SNX9: variants seen among roughly 807,000 people sequenced by gnomAD.
SNX9 encodes the protein sorting nexin-9.
SNX9 carries 44 observed loss-of-function variants against 89.4 expected under a neutral mutation model. The observed-to-expected ratio is 0.49, with a 90% CI of 0.39 to 0.63. SNX9 has a LOEUF of 0.63. SNX9 is among the 30% of genes least tolerant of loss of function. The pLI is 0.00. For missense variants in SNX9, 578 were observed against 736.1 expected (o/e 0.79, Z 2.49); for synonymous variants, 236 against 247.8 (o/e 0.95, Z 0.45).
chr6:157,928,820 A>G (rs1783749360), intron 12 of SNX9, 118 bp downstream of exon 12: 1 of 703,818 alleles, frequency 1.4e-6, no homozygotes. Context: ...GGTGGACGGC[A>G]GTAATGTCCC....
At chr6:157,911,521 G>A (rs1434039872) in intron 9 of SNX9, among the ~76,000 whole-genome samples, 1 of 152,164 alleles carries the variant, frequency 6.6e-6, no homozygotes, top group Non-Finnish European at 1.5e-5. Context: ...ACGTGTTCCT[G>A]GACACTTCCC....
chr6:157,882,562 G>T (rs1389330723), intron 4 of SNX9, among the ~76,000 whole-genome samples: 2 of 152,168 alleles, frequency 1.3e-5, no homozygotes, highest in Non-Finnish European at 2.9e-5. Flanking sequence ...CATCGTTCTG[G>T]ATGCCATGAA....
chr6:157,918,652 G>T (rs1471735434), intron 9 of SNX9, among the ~76,000 whole-genome samples: 1 of 151,980 alleles, frequency 6.6e-6, no homozygotes, highest in Non-Finnish European at 1.5e-5. Flanking sequence ...TTTGTTTTCT[G>T]TGTTTGCTTC....
At chr6:157,928,852 C>T (rs1783749941) in intron 12 of SNX9, 150 bp downstream of exon 12, 2 of 568,666 alleles carry the variant, frequency 3.5e-6, no homozygotes, top group South Asian at 6.3e-5. Flanking sequence ...TGCTTGATCT[C>T]ACTTCACCTG....
chr6:157,930,147 GC>G (rs143208529), intron 12 of SNX9, among the ~76,000 whole-genome samples: 1 of 152,248 alleles, frequency 6.6e-6, no homozygotes, highest in East Asian at 1.9e-4. Context: ...AACTACCTCT[GC>G]CTCTTCCTCT....
Position 157,823,390 on chromosome 6 carries a change from C to T in SNX9, c.-45C>T, listed in dbSNP as rs1196412323. The T allele has an allele frequency of 4.9e-5, 62 of 1,269,984 alleles. No individual in the cohort carries two copies. In the African/African-American group the frequency reaches 9.5e-4, roughly 19 times the overall value. 78.7% of individuals were successfully genotyped at this position (1,269,984 alleles called of 1,614,324 possible). A position where few individuals can be genotyped will look rare whatever the true frequency, so the allele number is the denominator to read the frequency against. ...CGCGGCTCAGAATCACCATCCGCGGCGCGGGAGACGAGCCGGCCGTCCCGG... is the reference window on the plus strand; with the variant it reads ...CGCGGCTCAGAATCACCATCCGCGGTGCGGGAGACGAGCCGGCCGTCCCGG... On this transcript the variant is annotated 5_prime_UTR_variant, in exon 1 of 18. Coordinates refer to ENST00000392185, the MANE Select transcript of SNX9 (RefSeq NM_016224.5). This position sits in a 1 kb window ranked among gnomAD's most constrained non-coding sequence, Gnocchi z 4.6.
Position 157,867,630 on chromosome 6 carries a change from T to C in SNX9, c.96T>C (p.Asn32=), listed in dbSNP as rs1157478809. Reference sequence around the variant, plus strand: ...AAGGAGAAATCATCACAATCACAAATCCGGTAAGAGAACTGTACATTCGAG... The same window carrying C: ...AAGGAGAAATCATCACAATCACAAACCCGGTAAGAGAACTGTACATTCGAG... ...VNEGEIITIT[N]PDVGGGWLEG... The change falls in exon 2 of 18, where the codon AAT becomes AAC. Residue 32 remains asparagine (N), a synonymous_variant. Coordinates refer to ENST00000392185, the MANE Select transcript of SNX9 (RefSeq NM_016224.5). The C allele has an allele frequency of 1.2e-6, 2 of 1,610,390 alleles. No individual in the cohort carries two copies. Among genetic ancestry groups the C allele is most frequent in the Non-Finnish European group, 1.7e-6 (2 of 1,177,432 alleles).
At chr6:157,888,244 G>A (rs1216395256) in intron 4 of SNX9, among the ~76,000 whole-genome samples, 2 of 152,042 alleles carry the variant, frequency 1.3e-5, no homozygotes, top group Non-Finnish European at 2.9e-5. Flanking sequence ...TTTTAACTTG[G>A]CTATTTCTGT....
chr6:157,851,500 T>G (rs1297882022), intron 1 of SNX9, among the ~76,000 whole-genome samples: 1 of 152,172 alleles, frequency 6.6e-6, no homozygotes, highest in Non-Finnish European at 1.5e-5. Flanking sequence ...ACTCCCCATT[T>G]CCCACTCCCT....
intron 1 of SNX9, among the ~76,000 whole-genome samples, chr6:157,862,919 TA>T (rs1782173877): frequency 6.6e-6 from 1 of 152,228 alleles, no homozygotes; most frequent in Non-Finnish European, 1.5e-5. Context: ...GACAGTTTAA[TA>T]AGCTCATGAG....
At chr6:157,902,516 T>C (rs1364047808) in intron 6 of SNX9, among the ~76,000 whole-genome samples, 1 of 152,154 alleles carries the variant, frequency 6.6e-6, no homozygotes, top group East Asian at 1.9e-4. Flanking sequence ...GGCAAACTGA[T>C]GCCCAGAGAG....
chr6:157,844,471 A>C (rs1435496067), intron 1 of SNX9, among the ~76,000 whole-genome samples: 1 of 151,274 alleles, frequency 6.6e-6, no homozygotes, highest in African/African-American at 2.5e-5. Context: ...TCAAGTGCAG[A>C]GTCTGCAAAG....
At chr6:157,892,604 A>AC (rs1167473710) in intron 4 of SNX9, 2 of 152,250 alleles carry the variant, frequency 1.3e-5, no homozygotes, top group Non-Finnish European at 2.9e-5. Context: ...CAAATTATTG[A>AC]CCAAGTGATT....
At chr6:157,858,534 C>G (rs1782058520) in intron 1 of SNX9, among the ~76,000 whole-genome samples, 1 of 152,002 alleles carries the variant, frequency 6.6e-6, no homozygotes, top group African/African-American at 2.4e-5. Context: ...TGTCCAGAGT[C>G]TTAATGGGAG....
intron 9 of SNX9, among the ~76,000 whole-genome samples, chr6:157,912,390 C>T (rs1436053280): frequency 6.6e-6 from 1 of 151,890 alleles, no homozygotes; most frequent in Non-Finnish European, 1.5e-5. Context: ...TTCAGAGAGT[C>T]ACGGTTCTCC....
At chr6:157,843,749 C>T (rs1781746468) in intron 1 of SNX9, among the ~76,000 whole-genome samples, 1 of 152,062 alleles carries the variant, frequency 6.6e-6, no homozygotes, top group Non-Finnish European at 1.5e-5. Flanking sequence ...TTGCATAATC[C>T]ATACTCAATT....
chr6:157,910,562 A>G (rs1783317711), intron 9 of SNX9, among the ~76,000 whole-genome samples: 1 of 152,008 alleles, frequency 6.6e-6, no homozygotes, highest in Admixed American at 6.6e-5. Flanking sequence ...CTTGTTTTTT[A>G]AAAGTGCCAT....
chr6:157,942,319 G>T (rs904987423), intron 17 of SNX9, among the ~76,000 whole-genome samples: 5 of 152,214 alleles, frequency 3.3e-5, no homozygotes, highest in African/African-American at 1.2e-4. Context: ...AGAGGCCCTG[G>T]CGCAGAGACC....
In SNX9 at chr6:157,870,603, CAG is replaced by C. The variant is rs532249900; in HGVS notation, c.100-2497_100-2496del. Among the ~76,000 whole-genome samples the C allele has an allele frequency of 1.7e-4, 26 of 150,174 alleles. No homozygotes were observed. In the South Asian group the frequency reaches 5.3e-3, roughly 31 times the overall value. On this transcript the variant is annotated intron_variant, in intron 2 of 17. Coordinates refer to ENST00000392185, the MANE Select transcript of SNX9 (RefSeq NM_016224.5). ...CACCCGTGCAAGCACACACACCCCT[CAG>C]ACACTCTCACCTGCCCTCACACATA... is the stretch of plus-strand genomic sequence containing the variant.
Sources: gnomAD v4.1 joint callset for allele counts (sites outside exome capture counted in the v4.1 genomes callset) on GRCh38, gnomAD v4.1.1 for gene constraint, Gnocchi (gnomAD v3.1) non-coding constraint, MANE v1.5 for transcripts, NCBI Gene and HGNC (gene_info 2026-07-23, HGNC 2026-07-21) for gene names.